The following CCDC33 variants were observed in gnomAD, a reference collection of about 807,000 sequenced individuals.
The protein encoded by CCDC33 is coiled-coil domain-containing protein 33.
In CCDC33, 94 loss-of-function variants were observed where a neutral mutation model predicts 91.9. The observed-to-expected ratio is 1.02, with a 90% CI of 0.87 to 1.21. CCDC33 has a LOEUF of 1.21. Among genes scored for constraint, CCDC33 ranks in the 50% most tolerant of loss-of-function variants. The pLI is 0.00. For missense variants in CCDC33, 940 were observed against 935.5 expected, an observed-to-expected ratio of 1.00 and a Z score of -0.06; for synonymous variants, 396 against 374.5, an observed-to-expected ratio of 1.06 and a Z score of -0.66.
intron 10 of CCDC33, among the ~76,000 whole-genome samples, chr15:74,289,239 G>C (rs749826280): frequency 6.6e-6 from 1 of 152,202 alleles, no homozygotes; most frequent in Admixed American, 6.5e-5. Context: ...GAATGAAATG[G>C]GGGAAGAGAC....
intron 2 of CCDC33, chr15:74,209,645 T>C: frequency 1.7e-6 from 1 of 577,744 alleles, no homozygotes. Context: ...TCACCCCAAG[T>C]ACATGCCTGC....
At chr15:74,298,235 C>A (rs1360799512) in intron 11 of CCDC33, among the ~76,000 whole-genome samples, 1 of 151,934 alleles carries the variant, frequency 6.6e-6, no homozygotes, top group East Asian at 1.9e-4. Flanking sequence ...GGGTTGGAGT[C>A]TGCACTGTAC....
downstream of CCDC33, chr15:74,336,232 G>A: frequency 7.0e-7 from 1 of 1,428,432 alleles, no homozygotes. Flanking sequence ...GTCTTCTGCT[G>A]CAGCCTTACA....
At chr15:74,279,097 A>T (rs1249625959) in intron 7 of CCDC33, among the ~76,000 whole-genome samples, 1 of 152,228 alleles carries the variant, frequency 6.6e-6, no homozygotes, top group Non-Finnish European at 1.5e-5. Flanking sequence ...ACCAATAATG[A>T]ATGAGGTGTC....
At chr15:74,321,441 T>C (rs1465732071) in intron 11 of CCDC33, among the ~76,000 whole-genome samples, 4 of 151,842 alleles carry the variant, frequency 2.6e-5, no homozygotes, top group Non-Finnish European at 5.9e-5. Context: ...ATTTTTGTAT[T>C]TTTAGTAGAG....
At chr15:74,210,674 G>A (rs560442066) in intron 2 of CCDC33, among the ~76,000 whole-genome samples, 37 of 152,308 alleles carry the variant, frequency 2.4e-4, no homozygotes, top group African/African-American at 8.9e-4. Context: ...TGTGAGTAAG[G>A]AGCTGTGAAG....
intron 11 of CCDC33, among the ~76,000 whole-genome samples, chr15:74,325,169 T>C (rs945209362): frequency 6.6e-6 from 1 of 151,992 alleles, no homozygotes; most frequent in African/African-American, 2.4e-5. Context: ...CTGTCCATCT[T>C]GGTGGCCTGA....
rs114958715 is a variant in CCDC33, at chr15:74,296,028, C to T, written c.1290+80C>T. 1.8e-3 allele frequency: 2,269 copies of T among 1,270,446 alleles called. 30 individuals are homozygous for T. In the African/African-American group the frequency reaches 0.028, roughly 15 times the overall value. 78.7% of individuals were successfully genotyped at this position (1,270,446 alleles called of 1,614,324 possible). A position where few individuals can be genotyped will look rare whatever the true frequency, so the allele number is the denominator to read the frequency against. On this transcript the variant is annotated intron_variant, in intron 11 of 18. Coordinates refer to ENST00000398814, the MANE Select transcript of CCDC33 (RefSeq NM_025055.5). ...GGGGACTTGACTGCCATCTGCAGGA[C>T]TGCTTCATGCCTCAGGTGGCCAGTA...
chr15:74,280,263 G>C (rs2076557534), intron 8 of CCDC33, among the ~76,000 whole-genome samples, 171 bp downstream of exon 8: 4 of 152,200 alleles, frequency 2.6e-5, no homozygotes, highest in Admixed American at 2.6e-4. Context: ...CTTGTCCACA[G>C]GCCAGGACAC....
intron 11 of CCDC33, among the ~76,000 whole-genome samples, chr15:74,318,086 C>T (rs1222420750): frequency 2.0e-4 from 14 of 70,000 alleles, no homozygotes; most frequent in African/African-American, 5.1e-4. Flanking sequence ...TGTGCTGCTG[C>T]GGGGTGGGGA....
chr15:74,239,467 A>G (rs2075279717), intron 1 of CCDC33, among the ~76,000 whole-genome samples: 1 of 152,270 alleles, frequency 6.6e-6, no homozygotes, highest in Non-Finnish European at 1.5e-5. Context: ...ATCCTGGCCT[A>G]TTGAGGGCAA....
At chr15:74,281,721 G>A in intron 9 of CCDC33, 57 bp from the exon 10 acceptor site, 1 of 1,450,900 alleles carries the variant, frequency 6.9e-7, no homozygotes, top group Non-Finnish European at 9.7e-7. Context: ...AGTAGGTGGG[G>A]CAGAGGCGGA....
intron 3 of CCDC33, among the ~76,000 whole-genome samples, chr15:74,265,892 C>T (rs904040287): frequency 1.1e-4 from 17 of 152,074 alleles, no homozygotes; most frequent in South Asian, 2.1e-4. Context: ...GGTGTGGTGG[C>T]GGGCACCTGT....
At chr15:74,301,237 G>A (rs942244629) in intron 11 of CCDC33, 1 of 152,258 alleles carries the variant, frequency 6.6e-6, no homozygotes, top group Non-Finnish European at 1.5e-5. Context: ...CTGACGCCAG[G>A]AGGGGAGCAG....
chr15:74,228,857 A>G (rs1353695528), intron 2 of CCDC33, among the ~76,000 whole-genome samples: 1 of 152,198 alleles, frequency 6.6e-6, no homozygotes, highest in Non-Finnish European at 1.5e-5. Flanking sequence ...CATGGCCTCA[A>G]ATGAGATTAG....
At position 74,332,721 on chromosome 15, in the gene CCDC33, T is replaced by A. The variant is rs2142889958; in HGVS notation, c.1814T>A (p.Met605Lys). 6.2e-7 allele frequency: 1 copy of A among 1,614,184 alleles called. No homozygotes were observed. The highest frequency in any genetic ancestry group is 8.5e-7 in the Non-Finnish European group (1 of 1,180,014). Reference protein sequence around the residue: ...LSASGLPLGSMGENLPVELYS... With the variant: ...LSASGLPLGSKGENLPVELYS... ...GCCTCTGGCCTTCCCTTGGGTTCTA[T>A]GGGAGAGAACCTGCCGGTTGAACTT... is the stretch of plus-strand genomic sequence containing the variant. Residue 605 changes from methionine (M) to lysine (K), a missense_variant, in exon 16 of 19, where the codon ATG becomes AAG. Coordinates refer to ENST00000398814, the MANE Select transcript of CCDC33 (RefSeq NM_025055.5).
intron 2 of CCDC33, among the ~76,000 whole-genome samples, chr15:74,258,861 T>C (rs1221018919): frequency 6.6e-6 from 1 of 152,100 alleles, no homozygotes; most frequent in African/African-American, 2.4e-5. Flanking sequence ...AAGTCCTTGT[T>C]CCCTCCCACT....
rs2060501470 is a variant in CCDC33, at chr15:74,334,099, G to C, written c.2025+132G>C. On this transcript the variant is annotated intron_variant, in intron 17 of 18. Transcript: ENST00000398814. ...AAGGCTTAGTGTGTGGCCAGGGTCG[G>C]GGTTCAGTGTGCAACCAGGGTCAGG... 3 of 764,352 alleles carry C rather than the reference G, an allele frequency of 3.9e-6. No homozygotes were observed. In the Admixed American group the frequency reaches 8.0e-5, roughly 20 times the overall value. The allele number at this position is 764,352 out of a possible 1,614,324, so 47.3% of individuals were successfully genotyped here. A position where few individuals can be genotyped will look rare whatever the true frequency, so the allele number is the denominator to read the frequency against.
chr15:74,289,842 G>A (rs2059552688), intron 10 of CCDC33, among the ~76,000 whole-genome samples: 1 of 152,200 alleles, frequency 6.6e-6, no homozygotes, highest in Non-Finnish European at 1.5e-5. Context: ...CCTTGAGAAT[G>A]TGAGCCTACA....
Sources: allele counts gnomAD v4.1 joint callset (sites outside exome capture counted in the v4.1 genomes callset), GRCh38; gene constraint gnomAD v4.1.1; transcripts MANE v1.5; gene names NCBI Gene and HGNC (gene_info 2026-07-23, HGNC 2026-07-21).